The following CSMD3 variants were observed in gnomAD, a reference collection of about 807,000 sequenced individuals.
The protein encoded by CSMD3 is CUB and sushi domain-containing protein 3.
Under a neutral mutation model 435.2 loss-of-function variants are expected in CSMD3, and 177 were observed. The observed-to-expected ratio is 0.41, with a 90% CI of 0.36 to 0.46. The LOEUF (loss-of-function observed/expected upper bound fraction) is 0.46. CSMD3 is among the 20% of genes least tolerant of loss of function. The pLI, the probability that CSMD3 is intolerant of heterozygous loss-of-function variation, is 0.34. For synonymous variants in CSMD3, 1,656 were observed against 1,520.5 expected (o/e 1.09, Z -2.07); for missense variants, 4,265 against 4,504.6 (o/e 0.95, Z 1.52).
At chr8:112,798,973 AC>A (rs754330136) in intron 13 of CSMD3, among the ~76,000 whole-genome samples, 3 of 151,844 alleles carry the variant, frequency 2.0e-5, no homozygotes, top group Non-Finnish European at 4.4e-5. Flanking sequence ...AAATGTGCAC[AC>A]AGACCCCCTG....
intron 38 of CSMD3, among the ~76,000 whole-genome samples, chr8:112,374,843 TTTTG>T (rs1439179582): frequency 6.6e-6 from 1 of 152,160 alleles, no homozygotes; most frequent in African/African-American, 2.4e-5. Context: ...CTGCTCTATG[TTTTG>T]TTTGTTTATT....
At chr8:112,974,245 AT>A (rs1245559560) in intron 7 of CSMD3, among the ~76,000 whole-genome samples, 2 of 151,890 alleles carry the variant, frequency 1.3e-5, no homozygotes, top group African/African-American at 4.8e-5. Context: ...AAACTTTTCT[AT>A]TTTCAGTCTG....
intron 10 of CSMD3, among the ~76,000 whole-genome samples, chr8:112,897,684 C>CTG (rs1224673708): frequency 1.1e-5 from 1 of 87,658 alleles, no homozygotes; most frequent in African/African-American, 4.2e-5. Context: ...CTCTCTCTCT[C>CTG]TCTCTCTCTC....
Position 112,550,805 on chromosome 8 carries a change from T to A in CSMD3, c.4430A>T (p.Glu1477Val), listed in dbSNP as rs748066719. The A allele has an allele frequency of 6.2e-7, 1 of 1,611,998 alleles. No homozygotes were observed. The highest frequency in any genetic ancestry group is 8.5e-7 in the Non-Finnish European group (1 of 1,178,342). Residue 1477 changes from glutamate to valine, a missense_variant, in exon 27 of 71, where the codon GAA (glutamate) becomes GTA (valine). By Grantham distance (121) the Glu-to-Val change is moderately radical (BLOSUM62 -2). Coordinates refer to ENST00000297405, the MANE Select transcript of CSMD3 (RefSeq NM_198123.2). ...DILRVWDGPP[E>V]NDMLLKEISG... ...AATTTCCTTTAAAAGCATATCATTT[T>A]CTGGTGGACCGTCCCAGACTCGGAG...
intron 3 of CSMD3, among the ~76,000 whole-genome samples, chr8:113,188,969 G>C (rs1445997983): frequency 6.6e-6 from 1 of 151,732 alleles, no homozygotes; most frequent in Admixed American, 6.6e-5. Flanking sequence ...CTGAAAAGGT[G>C]ATCATTTGGG....
At chr8:112,443,959 C>T (rs1023795251) in intron 32 of CSMD3, among the ~76,000 whole-genome samples, 1 of 152,056 alleles carries the variant, frequency 6.6e-6, no homozygotes, top group African/African-American at 2.4e-5. Context: ...AATATCTATT[C>T]TCATTTTGCA....
rs1276447977 is a variant in CSMD3 at position 112,224,168 on chromosome 8, G to A, written c.*603C>T. ...AGAAGAAGAGCAATATGATGCTAAAGAAATAGAAAGATTCAAATTGGAATG... is the reference window on the plus strand; with the variant it reads ...AGAAGAAGAGCAATATGATGCTAAAAAAATAGAAAGATTCAAATTGGAATG... On this transcript the variant is annotated 3_prime_UTR_variant, in exon 71 of 71. Transcript: ENST00000297405. 6 of 155,692 alleles carry A rather than the reference G, an allele frequency of 3.9e-5. No homozygotes were observed. Among genetic ancestry groups the A allele is most frequent in the Non-Finnish European group, 5.7e-5 (4 of 70,162 alleles). The allele number at this position is 155,692 out of a possible 1,614,324, so 9.6% of individuals were successfully genotyped here. A position where few individuals can be genotyped will look rare whatever the true frequency, so the allele number is the denominator to read the frequency against.
intron 1 of CSMD3, among the ~76,000 whole-genome samples, chr8:113,412,447 C>T (rs544259630): frequency 6.6e-6 from 1 of 152,198 alleles, no homozygotes; most frequent in South Asian, 2.1e-4. Flanking sequence ...GTAGGCAAGG[C>T]TGCTTTTATA....
chr8:112,459,891 T>A (rs567789343), intron 32 of CSMD3, among the ~76,000 whole-genome samples: 4 of 152,262 alleles, frequency 2.6e-5, no homozygotes. Context: ...ACATCTTTCC[T>A]TGTGTTGTTC....
At chr8:113,406,148 A>G (rs2094531940) in intron 1 of CSMD3, among the ~76,000 whole-genome samples, 1 of 151,902 alleles carries the variant, frequency 6.6e-6, no homozygotes, top group Admixed American at 6.6e-5. Flanking sequence ...CAGCGACACA[A>G]TTTTAGAGCA....
chr8:113,287,921 A>C (rs1486112434), intron 2 of CSMD3, among the ~76,000 whole-genome samples: 3 of 151,924 alleles, frequency 2.0e-5, no homozygotes, highest in African/African-American at 4.8e-5. Context: ...TTATTAAAAG[A>C]ATTCCTGCTT....
intron 58 of CSMD3, among the ~76,000 whole-genome samples, chr8:112,285,103 T>G (rs1162194478): frequency 6.6e-6 from 1 of 152,124 alleles, no homozygotes; most frequent in African/African-American, 2.4e-5. Context: ...ATGAGAAAAA[T>G]ATTAATTCTA....
At chr8:113,299,990 T>C (rs1353234898) in intron 2 of CSMD3, among the ~76,000 whole-genome samples, 1 of 137,156 alleles carries the variant, frequency 7.3e-6, no homozygotes, top group East Asian at 2.1e-4. Flanking sequence ...AGCCTCCATC[T>C]CAAAAAAAAA....
intron 6 of CSMD3, among the ~76,000 whole-genome samples, chr8:113,015,855 G>A (rs772650774): frequency 7.9e-5 from 12 of 151,772 alleles, no homozygotes; most frequent in Non-Finnish European, 1.6e-4. Flanking sequence ...TAATGACCAA[G>A]TGACAATAAT....
intron 13 of CSMD3, among the ~76,000 whole-genome samples, chr8:112,774,393 T>G (rs1336807365): frequency 6.6e-6 from 1 of 152,040 alleles, no homozygotes; most frequent in African/African-American, 2.4e-5. Context: ...AATCTTCCTG[T>G]GAGAATTTTC....
chr8:112,244,699 T>C lies in CSMD3; in HGVS notation c.10223-126A>G, dbSNP rs143896326. On this transcript the variant is annotated intron_variant, in intron 64 of 70. Coordinates refer to ENST00000297405, the MANE Select transcript of CSMD3 (RefSeq NM_198123.2). ...ATATACATATATCTTAGAATAATTA[T>C]TCTAATAAATCACAAAAATGTTTCA... 174 of 670,604 alleles carry C rather than the reference T, an allele frequency of 2.6e-4. No individual in the cohort carries two copies. The East Asian group carries it at 4.3e-3, about 17-fold the overall frequency. The allele number at this position is 670,604 out of a possible 1,614,324, so 41.5% of individuals were successfully genotyped here.
intron 4 of CSMD3, among the ~76,000 whole-genome samples, chr8:113,149,855 A>G (rs773192027): frequency 2.6e-4 from 39 of 151,992 alleles, no homozygotes; most frequent in Non-Finnish European, 4.7e-4. Context: ...CATGCCATCA[A>G]TACAGAAATT....
chr8:113,323,385 TG>T (rs1355307350), intron 1 of CSMD3, among the ~76,000 whole-genome samples: 1 of 152,184 alleles, frequency 6.6e-6, no homozygotes. Context: ...ATTTTACTAG[TG>T]GCCAACAAAA....
At chr8:112,409,177 G>C (rs1352249661) in intron 32 of CSMD3, 145 bp from the exon 33 acceptor site, 1 of 1,432,934 alleles carries the variant, frequency 7.0e-7, no homozygotes, top group Non-Finnish European at 9.4e-7. Flanking sequence ...AAGAGGATAG[G>C]TGCCAATTGG....
Sources: gnomAD v4.1 joint callset for allele counts (sites outside exome capture counted in the v4.1 genomes callset) on GRCh38, gnomAD v4.1.1 for gene constraint, MANE v1.5 for transcripts, NCBI Gene and HGNC (gene_info 2026-07-23, HGNC 2026-07-21) for gene names.